STAG1: variants seen among roughly 807,000 people sequenced by gnomAD.
STAG1 encodes cohesin subunit SA-1.
STAG1 carries 26 observed loss-of-function variants against 170.9 expected under a neutral mutation model. That is an observed-to-expected ratio of 0.15 (90% confidence interval 0.11 to 0.21). STAG1 has a LOEUF of 0.21. Ranked by LOEUF, STAG1 falls within the 10% of genes least tolerant of loss-of-function variation. The pLI is 1.00. For missense variants in STAG1, 964 were observed against 1,509.5 expected (o/e 0.64, Z 5.99); for synonymous variants, 514 against 497.7 (o/e 1.03, Z -0.44).
chr3:136,532,126 A>G (rs1265877327), intron 6 of STAG1, among the ~76,000 whole-genome samples: 1 of 152,162 alleles, frequency 6.6e-6, no homozygotes, highest in Non-Finnish European at 1.5e-5. Flanking sequence ...CAAAGACCCA[A>G]ATAAAAAAAA....
chr3:136,667,500 T>G (rs993143331), intron 1 of STAG1, among the ~76,000 whole-genome samples: 1 of 151,952 alleles, frequency 6.6e-6, no homozygotes, highest in Non-Finnish European at 1.5e-5. Context: ...TTTCTTAGAG[T>G]TTGGAGAAGG....
intron 1 of STAG1, among the ~76,000 whole-genome samples, chr3:136,654,078 A>T (rs1029984406): frequency 1.3e-5 from 2 of 152,230 alleles, no homozygotes; most frequent in Non-Finnish European, 2.9e-5. Context: ...GATCAGGAAC[A>T]TAAGAAGAAT....
In STAG1 at chr3:136,616,632, G is replaced by A. The variant is rs1041763240; in HGVS notation, c.132+6514C>T. On this transcript the variant is annotated intron_variant, in intron 3 of 33. Transcript: ENST00000383202. ...AGTACAGAAAATTATAAATAGGCTG[G>A]GCCCAGTGCCTCATGCCTGTAATCC... 1.3e-5 allele frequency among the ~76,000 whole-genome samples: 2 copies of A among 151,982 alleles called. 1 individual carries two copies. The highest frequency in any genetic ancestry group is 2.9e-5 in the Non-Finnish European group (2 of 68,008).
At chr3:136,685,464 A>T (rs1442497304) in intron 1 of STAG1, among the ~76,000 whole-genome samples, 3 of 152,212 alleles carry the variant, frequency 2.0e-5, no homozygotes, top group Admixed American at 6.5e-5. Flanking sequence ...AAGATCCAGC[A>T]ACTGTACTTC....
chr3:136,396,110 C>T (rs1174678636), intron 22 of STAG1, among the ~76,000 whole-genome samples: 2 of 152,058 alleles, frequency 1.3e-5, no homozygotes, highest in Non-Finnish European at 2.9e-5. Context: ...TCACGTTAGC[C>T]AGGCTGTTCT....
At chr3:136,429,120 G>A (rs1309651940) in intron 16 of STAG1, among the ~76,000 whole-genome samples, 1 of 150,916 alleles carries the variant, frequency 6.6e-6, no homozygotes, top group African/African-American at 2.4e-5. Context: ...CTGGAACAGA[G>A]CGCAGGCTGG....
intron 22 of STAG1, among the ~76,000 whole-genome samples, chr3:136,379,529 T>A (rs956063966): frequency 3.9e-5 from 6 of 152,048 alleles, no homozygotes; most frequent in Admixed American, 3.9e-4. Context: ...GCCAACATGA[T>A]GAAACCCCGT....
chr3:136,696,558 G>A (rs1942897293), intron 1 of STAG1, among the ~76,000 whole-genome samples: 2 of 151,990 alleles, frequency 1.3e-5, no homozygotes, highest in African/African-American at 2.4e-5. Flanking sequence ...GTCAGTGTAG[G>A]TTCATCAACT....
chr3:136,449,897 TTGC>T (rs2088888312), intron 14 of STAG1, among the ~76,000 whole-genome samples: 1 of 146,258 alleles, frequency 6.8e-6, no homozygotes, highest in East Asian at 1.9e-4. Flanking sequence ...GAAACTATTG[TTGC>T]TTTTTTTTTT....
At chr3:136,430,806 GACACACACACACACACACAC>G (rs35492621) in intron 16 of STAG1, among the ~76,000 whole-genome samples, 88 of 131,158 alleles carry the variant, frequency 6.7e-4, no homozygotes, top group African/African-American at 1.8e-3. Flanking sequence ...GACATAGACA[GACACACACACACACACACAC>G]ACACACACAC....
intron 1 of STAG1, among the ~76,000 whole-genome samples, chr3:136,689,454 T>C (rs1038912888): frequency 6.6e-6 from 1 of 152,236 alleles, no homozygotes; most frequent in Non-Finnish European, 1.5e-5. Flanking sequence ...TTGTCAGTTA[T>C]CAAAGGAATC....
chr3:136,684,863 A>G (rs1323485966), intron 1 of STAG1, among the ~76,000 whole-genome samples: 1 of 152,046 alleles, frequency 6.6e-6, no homozygotes, highest in Non-Finnish European at 1.5e-5. Flanking sequence ...TAAACTCTTC[A>G]CAAAAAATAA....
intron 1 of STAG1, among the ~76,000 whole-genome samples, chr3:136,736,329 A>G (rs1315913237): frequency 6.6e-6 from 1 of 152,250 alleles, no homozygotes; most frequent in East Asian, 1.9e-4. Flanking sequence ...CCGCATTTCA[A>G]TGCACAAAAG....
chr3:136,491,589 C>T (rs891006335), intron 9 of STAG1, among the ~76,000 whole-genome samples: 3 of 152,076 alleles, frequency 2.0e-5, no homozygotes, highest in African/African-American at 4.8e-5. Flanking sequence ...GTACAGTTTC[C>T]CAAATTCTAG....
intron 1 of STAG1, among the ~76,000 whole-genome samples, chr3:136,745,991 G>C (rs1934917554): frequency 6.6e-6 from 1 of 152,116 alleles, no homozygotes; most frequent in Non-Finnish European, 1.5e-5. Flanking sequence ...GAAGCAATAA[G>C]GGGTATGTTA....
At chr3:136,408,887 C>T (rs1332194771) in intron 21 of STAG1, among the ~76,000 whole-genome samples, 1 of 152,086 alleles carries the variant, frequency 6.6e-6, no homozygotes, top group Non-Finnish European at 1.5e-5. Context: ...AAGTATGTAA[C>T]TAAAATAATT....
intron 1 of STAG1, among the ~76,000 whole-genome samples, chr3:136,685,572 C>T (rs1044934612): frequency 1.4e-4 from 22 of 152,174 alleles, no homozygotes; most frequent in Non-Finnish European, 2.9e-4. Context: ...ACCAAGACGT[C>T]CTTCGGTAGG....
intron 6 of STAG1, among the ~76,000 whole-genome samples, chr3:136,534,260 A>T (rs1000173785): frequency 6.6e-6 from 1 of 152,216 alleles, no homozygotes; most frequent in Admixed American, 6.5e-5. Context: ...AATCAACTCA[A>T]GATAAAGACT....
At chr3:136,592,652 C>T (rs760365222) in intron 4 of STAG1, among the ~76,000 whole-genome samples, 2 of 152,128 alleles carry the variant, frequency 1.3e-5, no homozygotes, top group Non-Finnish European at 2.9e-5. Context: ...CAACAATGGC[C>T]ACCAGGACCA....
Sources: gnomAD v4.1 joint callset for allele counts (sites outside exome capture counted in the v4.1 genomes callset) on GRCh38, gnomAD v4.1.1 for gene constraint, MANE v1.5 for transcripts, NCBI Gene and HGNC (gene_info 2026-07-23, HGNC 2026-07-21) for gene names.